TNFRSF19: variants seen among roughly 807,000 people sequenced by gnomAD.
TNFRSF19 encodes TNF receptor superfamily member 19, also known as tumor necrosis factor receptor superfamily member 19.
Under a neutral mutation model 46.4 loss-of-function variants are expected in TNFRSF19, and 27 were observed. That is an observed-to-expected ratio of 0.58 (90% CI 0.43 to 0.80). The LOEUF is 0.80. Among genes scored for constraint, TNFRSF19 ranks in the 30% least tolerant of loss-of-function variants. TNFRSF19 has a pLI of 0.00. For missense variants in TNFRSF19, 511 were observed against 530.8 expected (o/e 0.96, Z 0.37); for synonymous variants, 204 against 205.0 (o/e 1.00, Z 0.04).
At chr13:23,600,165 G>C (rs1880031404) in intron 3 of TNFRSF19, among the ~76,000 whole-genome samples, 1 of 152,146 alleles carries the variant, frequency 6.6e-6, no homozygotes, top group Admixed American at 6.5e-5. Flanking sequence ...TGTTGATTAA[G>C]AAATCATTTT....
At chr13:23,656,129 G>A (rs980447749) in intron 5 of TNFRSF19, among the ~76,000 whole-genome samples, 2 of 152,130 alleles carry the variant, frequency 1.3e-5, no homozygotes, top group Non-Finnish European at 2.9e-5. Context: ...AAATCAAGAA[G>A]TAAAACTTGT....
intron 1 of TNFRSF19, among the ~76,000 whole-genome samples, chr13:23,581,127 CTTTTCTTTTTT>C (rs1391670244): frequency 1.6e-5 from 2 of 123,246 alleles, no homozygotes; most frequent in African/African-American, 2.9e-5. Flanking sequence ...TTCTTTTTTT[CTTTTCTTTTTT>C]TTTTTTTGAA....
intron 5 of TNFRSF19, among the ~76,000 whole-genome samples, chr13:23,639,136 T>C (rs1370176266): frequency 1.3e-5 from 2 of 152,184 alleles, no homozygotes; most frequent in African/African-American, 2.4e-5. Flanking sequence ...CTTACATCTG[T>C]AATTCCAGCA....
At position 23,659,182 on chromosome 13, in the gene TNFRSF19, G is replaced by GT. The variant is rs1241989758; in HGVS notation, c.579dup (p.Lys194Ter). 4 of 1,613,460 alleles carry GT rather than the reference G, an allele frequency of 2.5e-6. No homozygotes were observed. ...CTGCTCATCCTCTGTGTCATCTATT[G>GT]TAAGAGACAGTTTATGGAGAAGAAA... is the stretch of plus-strand genomic sequence containing the variant. On this transcript the variant is annotated frameshift_variant, in exon 6 of 10. Transcript: ENST00000248484. LOFTEE classifies it high-confidence loss of function. The surrounding 1 kb of genome is among the most constrained non-coding windows in gnomAD (Gnocchi z 4.9).
At chr13:23,661,982 G>C (rs1341282701) in intron 7 of TNFRSF19, among the ~76,000 whole-genome samples, 1 of 152,106 alleles carries the variant, frequency 6.6e-6, no homozygotes, top group Non-Finnish European at 1.5e-5. Context: ...CCATTCTGTA[G>C]GTTGTCTGTT....
At chr13:23,665,097 T>C (rs1951601509) in intron 7 of TNFRSF19, among the ~76,000 whole-genome samples, 4 of 152,188 alleles carry the variant, frequency 2.6e-5, no homozygotes, top group South Asian at 4.1e-4. Flanking sequence ...GGTGTGTGGA[T>C]CTAGTTTTGC....
intron 3 of TNFRSF19, among the ~76,000 whole-genome samples, chr13:23,599,401 C>G (rs966068410): frequency 6.6e-6 from 1 of 152,072 alleles, no homozygotes; most frequent in Non-Finnish European, 1.5e-5. Context: ...TGACACAGCC[C>G]TCGAGAGATC....
intron 4 of TNFRSF19, among the ~76,000 whole-genome samples, chr13:23,626,132 C>T (rs955525246): frequency 6.6e-6 from 1 of 151,124 alleles, no homozygotes; most frequent in Non-Finnish European, 1.5e-5. Context: ...TGCCCGTTAC[C>T]TATTATTGAT....
At chr13:23,661,051 TAA>T (rs1438044357) in intron 7 of TNFRSF19, among the ~76,000 whole-genome samples, 2 of 152,190 alleles carry the variant, frequency 1.3e-5, no homozygotes, top group African/African-American at 4.8e-5. Context: ...ACCAACTTTT[TAA>T]AAACTTTTAT....
intron 3 of TNFRSF19, 51 bp downstream of exon 3, chr13:23,593,506 C>T (rs750331042): frequency 8.3e-6 from 10 of 1,199,114 alleles, no homozygotes; most frequent in South Asian, 2.7e-5. Flanking sequence ...AAAATGCATT[C>T]GTCTTAACTC....
At chr13:23,669,961 C>T (rs555953258) in intron 9 of TNFRSF19, among the ~76,000 whole-genome samples, 1 of 152,162 alleles carries the variant, frequency 6.6e-6, no homozygotes, top group Non-Finnish European at 1.5e-5. Flanking sequence ...GACTCTGCCC[C>T]ACAAAGAGGT....
chr13:23,654,614 C>T (rs1883860570), intron 5 of TNFRSF19, among the ~76,000 whole-genome samples: 1 of 152,152 alleles, frequency 6.6e-6, no homozygotes, highest in South Asian at 2.1e-4. Flanking sequence ...TGAGCAGGGC[C>T]CTTACATAAA....
chr13:23,592,134 TC>T (rs1188499460), intron 2 of TNFRSF19, among the ~76,000 whole-genome samples: 2 of 152,134 alleles, frequency 1.3e-5, no homozygotes, highest in Non-Finnish European at 2.9e-5. Flanking sequence ...TCACAGATAT[TC>T]CTGCTTCAAG....
At chr13:23,579,098 C>T (rs983619456) in intron 1 of TNFRSF19, among the ~76,000 whole-genome samples, 3 of 152,230 alleles carry the variant, frequency 2.0e-5, no homozygotes, top group African/African-American at 4.8e-5. Context: ...AGGAAAGTTT[C>T]CCAACACAGC....
Position 23,675,470 on chromosome 13 carries a change from G to A in TNFRSF19, c.*2090G>A, listed in dbSNP as rs1236079685. 1 of 152,238 alleles carries A rather than the reference G, an allele frequency of 6.6e-6. No individual in the cohort carries two copies. The highest frequency in any genetic ancestry group is 2.4e-5 in the African/African-American group (1 of 41,464). 9.4% of individuals were successfully genotyped at this position (152,238 alleles called of 1,614,324 possible). On this transcript the variant is annotated 3_prime_UTR_variant, in exon 10 of 10. Transcript: ENST00000248484. Reference sequence around the variant, plus strand: ...CCCAAAACATCATTTTCAATCAGTAGAGAAGTGCTTAGGGTTGAAAATTGA... The same window carrying A: ...CCCAAAACATCATTTTCAATCAGTAAAGAAGTGCTTAGGGTTGAAAATTGA...
At chr13:23,628,514 A>G (rs1882153121) in intron 5 of TNFRSF19, among the ~76,000 whole-genome samples, 1 of 152,210 alleles carries the variant, frequency 6.6e-6, no homozygotes. Flanking sequence ...GATTCCGTGA[A>G]GTCAGTATTA....
At chr13:23,642,948 G>T (rs1883112246) in intron 5 of TNFRSF19, among the ~76,000 whole-genome samples, 1 of 152,206 alleles carries the variant, frequency 6.6e-6, no homozygotes, top group Non-Finnish European at 1.5e-5. Flanking sequence ...TTCTGCAAAT[G>T]CAGTCTTTTC....
At chr13:23,646,511 A>T (rs891130951) in intron 5 of TNFRSF19, among the ~76,000 whole-genome samples, 1 of 152,048 alleles carries the variant, frequency 6.6e-6, no homozygotes, top group East Asian at 1.9e-4. Context: ...AATTCTAGGT[A>T]TCTCTTGTAA....
intron 5 of TNFRSF19, among the ~76,000 whole-genome samples, chr13:23,640,045 TA>T (rs1485130441): frequency 6.6e-6 from 1 of 152,048 alleles, no homozygotes; most frequent in Non-Finnish European, 1.5e-5. Context: ...GACACCTGAC[TA>T]AGACACTGTA....
Sources: gnomAD v4.1 joint callset for allele counts (sites outside exome capture counted in the v4.1 genomes callset) on GRCh38, gnomAD v4.1.1 for gene constraint, Gnocchi (gnomAD v3.1) non-coding constraint, MANE v1.5 for transcripts, NCBI Gene and HGNC (gene_info 2026-07-23, HGNC 2026-07-21) for gene names.